Variants in ACLY observed in about 807,000 individuals in gnomAD.
ACLY encodes the protein ATP citrate lyase, also known as ATP-citrate synthase.
ACLY carries 41 observed loss-of-function variants against 133.0 expected under a neutral mutation model. The observed-to-expected ratio is 0.31, with a 90% CI of 0.24 to 0.40. The LOEUF (loss-of-function observed/expected upper bound fraction) is 0.40. ACLY is among the 10% of genes least tolerant of loss of function. ACLY has a pLI of 1.00. For synonymous variants in ACLY, 495 were observed against 549.3 expected (o/e 0.90, Z 1.38); for missense variants, 1,046 against 1,453.8 (o/e 0.72, Z 4.56).
chr17:41,923,199 AACTC>A (rs2050202874), upstream of ACLY, among the ~76,000 whole-genome samples: 1 of 152,020 alleles, frequency 6.6e-6, no homozygotes, highest in African/African-American at 2.4e-5. Context: ...AAAAGCTCTA[AACTC>A]TTTTGATTTT....
In ACLY at chr17:41,893,988, T is replaced by A. The variant is rs181773822; in HGVS notation, c.1460-814A>T. ...CAGCACTTTGGGAGGCTGAGACCAG[T>A]GGATCACTTGAGCTCAAGAGTTCAA... is the stretch of plus-strand genomic sequence containing the variant. On this transcript the variant is annotated intron_variant, in intron 14 of 28. Transcript: ENST00000352035. Among the ~76,000 whole-genome samples, 5 of 152,090 alleles carry A rather than the reference T, an allele frequency of 3.3e-5. No homozygotes were observed. In the East Asian group the frequency reaches 9.7e-4, roughly 29 times the overall value.
chr17:41,904,597 G>A (rs9916650), intron 10 of ACLY, 132 bp downstream of exon 10: 603,348 of 793,718 alleles, frequency 0.76, 231,510 homozygotes, highest in Admixed American at 0.86. Flanking sequence ...AGAGACCCTG[G>A]GGCAAGAGCT....
rs782586361 is a variant in ACLY, at chr17:41,907,429, A to G, written c.747+13T>C. On this transcript the variant is annotated intron_variant, in intron 7 of 28. Coordinates refer to ENST00000352035, the MANE Select transcript of ACLY (RefSeq NM_001096.3). ...TCCCCCCAGTCCCCATCTCCTCTCTAAACCAGCCTTACCTCTGGATATGCC... is the reference window on the plus strand; with the variant it reads ...TCCCCCCAGTCCCCATCTCCTCTCTGAACCAGCCTTACCTCTGGATATGCC... 9.3e-6 allele frequency: 15 copies of G among 1,611,698 alleles called. No individual in the cohort carries two copies. In the African/African-American group the frequency reaches 1.9e-4, roughly 20 times the overall value.
intron 14 of ACLY, among the ~76,000 whole-genome samples, chr17:41,896,178 G>A (rs546888243): frequency 2.0e-4 from 31 of 152,286 alleles, no homozygotes; most frequent in African/African-American, 6.3e-4. Context: ...GACATCAGGA[G>A]ATGTAAATGA....
chr17:41,868,421 A>G (rs1456269240), intron 28 of ACLY, among the ~76,000 whole-genome samples: 1 of 129,688 alleles, frequency 7.7e-6, no homozygotes, highest in Non-Finnish European at 1.7e-5. Context: ...CTGGTGACAG[A>G]GCAAGACTCA....
intron 3 of ACLY, 88 bp from the exon 4 acceptor site, chr17:41,910,372 C>G: frequency 9.0e-7 from 1 of 1,115,488 alleles, no homozygotes; most frequent in Non-Finnish European, 1.3e-6. Context: ...GGGTGGTGCC[C>G]AAGCACTCCC....
At chr17:41,897,983 A>G (rs921980550) in intron 12 of ACLY, 144 bp from the exon 13 acceptor site, 9 of 691,478 alleles carry the variant, frequency 1.3e-5, no homozygotes, top group African/African-American at 1.8e-5. Context: ...AAGTACTAAT[A>G]ATCCTCTAAG....
intron 22 of ACLY, among the ~76,000 whole-genome samples, chr17:41,877,047 C>T (rs1044876680): frequency 6.6e-6 from 1 of 152,062 alleles, no homozygotes; most frequent in Admixed American, 6.5e-5. Context: ...TTAGTCCAAT[C>T]CTATTTCTCC....
Position 41,907,572 on chromosome 17 carries a change from A to G in ACLY, c.617T>C (p.Val206Ala). 1.9e-6 allele frequency: 3 copies of G among 1,613,758 alleles called. No individual in the cohort carries two copies. The highest frequency in any genetic ancestry group is 2.7e-5 in the African/African-American group (2 of 75,002). ...YFTYLEINPL[V>A]VTKDGVYVLD... Reference sequence around the variant, plus strand: ...GACATAGACTCCATCTTTGGTCACTACTTCAAGGGGAGCAGAGGCAATCAT... The same window carrying G: ...GACATAGACTCCATCTTTGGTCACTGCTTCAAGGGGAGCAGAGGCAATCAT... The change falls in exon 7 of 29, where the codon GTA becomes GCA. Residue 206 changes from valine to alanine, a missense_variant and splice_region_variant. By Grantham distance (64) the Val-to-Ala change is moderately conservative (BLOSUM62 0). This residue lies in a region of ACLY where 575 missense variants were observed against 804.2 expected (regional missense o/e 0.71). Coordinates refer to ENST00000352035, the MANE Select transcript of ACLY (RefSeq NM_001096.3).
intron 8 of ACLY, 27 bp downstream of exon 8, chr17:41,906,501 A>G (rs2144380525): frequency 1.3e-6 from 2 of 1,595,870 alleles, no homozygotes; most frequent in Non-Finnish European, 1.7e-6. Context: ...CTGGGCTGGC[A>G]TCCCTTCAGC....
In ACLY at chr17:41,886,170, T is replaced by C; in HGVS notation, c.2014A>G (p.Asn672Asp). ...RSGGMSNELN[N>D]IISRTTDGVY... Reference sequence around the variant, plus strand: ...CCATCCGTGGTCCGAGAGATGATATTGTTGAGCTCGTTGGACATGCCTCCG... The same window carrying C: ...CCATCCGTGGTCCGAGAGATGATATCGTTGAGCTCGTTGGACATGCCTCCG... The change falls in exon 18 of 29, where the codon AAT becomes GAT. Residue 672 changes from asparagine to aspartate, a missense_variant. This residue lies in a region of ACLY where 575 missense variants were observed against 804.2 expected (regional missense o/e 0.71). Transcript: ENST00000352035. 2 of 1,614,166 alleles carry C rather than the reference T, an allele frequency of 1.2e-6. No homozygotes were observed. The highest frequency in any genetic ancestry group is 1.7e-6 in the Non-Finnish European group (2 of 1,180,008).
chr17:41,885,045 T>G (rs1034750551), intron 18 of ACLY, among the ~76,000 whole-genome samples: 1 of 152,090 alleles, frequency 6.6e-6, no homozygotes, highest in Non-Finnish European at 1.5e-5. Flanking sequence ...AATTTTTTTT[T>G]GGTAGAGATG....
intron 20 of ACLY, among the ~76,000 whole-genome samples, chr17:41,879,444 G>T (rs1299231206): frequency 1.4e-5 from 2 of 139,676 alleles, no homozygotes; most frequent in Non-Finnish European, 3.1e-5. Flanking sequence ...AAGTGACAGG[G>T]TCTCACTCTG....
intron 20 of ACLY, among the ~76,000 whole-genome samples, chr17:41,882,019 G>A (rs2048929912): frequency 6.6e-6 from 1 of 152,024 alleles, no homozygotes; most frequent in Admixed American, 6.6e-5. Flanking sequence ...TGCCTGCCCT[G>A]TTTTCCATTA....
chr17:41,926,720 C>G (rs993591674), intron 1 of ACLY, among the ~76,000 whole-genome samples: 17 of 152,092 alleles, frequency 1.1e-4, no homozygotes, highest in Non-Finnish European at 1.9e-4. Context: ...AACTCCTGAC[C>G]TCAGGTGATC....
chr17:41,910,930 C>T (rs558500431), intron 3 of ACLY, among the ~76,000 whole-genome samples: 62 of 152,288 alleles, frequency 4.1e-4, no homozygotes, highest in African/African-American at 1.5e-3. Flanking sequence ...ATGAGCCACT[C>T]CTGCTGGCCC....
Position 41,912,454 on chromosome 17 carries a change from G to A in ACLY, c.248C>T (p.Ser83Phe), listed in dbSNP as rs782047538. ...CTGTCCCAGCCGTGGCTTCAGCCAGGACTTGACCCCATCCAGAGTGAGGTT... is the reference window on the plus strand; with the variant it reads ...CTGTCCCAGCCGTGGCTTCAGCCAGAACTTGACCCCATCCAGAGTGAGGTT... ...GVNLTLDGVK[S>F]WLKPRLGQEA... is the part of the protein sequence containing the mutation. Residue 83 changes from serine to phenylalanine, a missense_variant, in exon 3 of 29, where the codon TCC (serine) becomes TTC (phenylalanine). This residue lies in a region of ACLY where 227 missense variants were observed against 245.6 expected (regional missense o/e 0.92). Coordinates refer to ENST00000352035, the MANE Select transcript of ACLY (RefSeq NM_001096.3). The A allele has an allele frequency of 1.4e-5, 22 of 1,614,080 alleles. No homozygotes were observed. The South Asian group carries it at 2.4e-4, about 18-fold the overall frequency.
At chr17:41,887,101 GTAA>G (rs2049067826) in intron 17 of ACLY, among the ~76,000 whole-genome samples, 1 of 141,080 alleles carries the variant, frequency 7.1e-6, no homozygotes, top group African/African-American at 2.7e-5. Flanking sequence ...TCCAGCCTAG[GTAA>G]CAGGGCAAGA....
In ACLY at chr17:41,913,793, A is replaced by G. The variant is rs782789247; in HGVS notation, c.81T>C (p.Asn27=). The change falls in exon 2 of 29, where the codon AAT becomes AAC. Residue 27 remains asparagine (N), a synonymous_variant. Transcript: ENST00000352035. ...KFICTTSAIQ[N]RFKYARVTPD... ...GAGTGACCCGAGCATACTTGAACCG[A>G]TTCTGGATGGCTGAGGTGGTACAGA... 6.2e-7 allele frequency: 1 copy of G among 1,614,222 alleles called. No individual in the cohort carries two copies. Among genetic ancestry groups the G allele is most frequent in the South Asian group, 1.1e-5 (1 of 91,080 alleles).
Sources: allele counts gnomAD v4.1 joint callset (sites outside exome capture counted in the v4.1 genomes callset), GRCh38; gene constraint gnomAD v4.1.1; regional missense constraint gnomAD v4.1.1; transcripts MANE v1.5; gene names NCBI Gene and HGNC (gene_info 2026-07-23, HGNC 2026-07-21).